Variants in UST observed in about 807,000 individuals in gnomAD.
The protein encoded by UST is chondroitin sulfate 2-O-sulfotransferase.
A neutral mutation model predicts 45.6 loss-of-function variants in UST; 21 were observed. The ratio of observed to expected loss-of-function variants is 0.46; its 90% confidence interval spans 0.33 to 0.66. The LOEUF (loss-of-function observed/expected upper bound fraction) is 0.66, where lower values mean the gene tolerates loss of function less well. UST is among the 30% of genes least tolerant of loss of function. UST has a pLI of 0.02. For missense variants in UST, 463 were observed against 512.4 expected, an observed-to-expected ratio of 0.90 and a Z score of 0.93; for synonymous variants, 215 against 200.6, an observed-to-expected ratio of 1.07 and a Z score of -0.61.
intron 1 of UST, among the ~76,000 whole-genome samples, chr6:148,828,969 A>G (rs1401850294): frequency 1.3e-5 from 2 of 152,192 alleles, no homozygotes; most frequent in African/African-American, 4.8e-5. Context: ...AGCACATGCT[A>G]TTTATTTGGG....
rs559717173 is a variant in UST at position 148,787,637 on chromosome 6, T to C, written c.247+39960T>C. On this transcript the variant is annotated intron_variant, in intron 1 of 7. Transcript: ENST00000367463. ...TCGGGTAGCATGATGCCTCCAGCTTTGTTCTTTTTGCTTAGGATTGCCTTG... is the reference window on the plus strand; with the variant it reads ...TCGGGTAGCATGATGCCTCCAGCTTCGTTCTTTTTGCTTAGGATTGCCTTG... Among the ~76,000 whole-genome samples the C allele has an allele frequency of 7.2e-4, 110 of 152,366 alleles. 1 individual carries two copies. Among genetic ancestry groups the C allele is most frequent in the Admixed American group, 4.2e-3 (65 of 15,308 alleles).
At chr6:148,795,311 A>C (rs750908872) in intron 1 of UST, among the ~76,000 whole-genome samples, 8 of 152,126 alleles carry the variant, frequency 5.3e-5, no homozygotes, top group Non-Finnish European at 8.8e-5. Context: ...CTGGTCTTCG[A>C]TGTGTTCAGG....
chr6:148,782,417 A>C (rs6570900), intron 1 of UST, among the ~76,000 whole-genome samples: 25 of 152,002 alleles, frequency 1.6e-4, no homozygotes, highest in Admixed American at 1.6e-3. Context: ...CTGCTATCTC[A>C]TGATCAAACT....
At chr6:148,807,565 G>A (rs1425989221) in intron 1 of UST, among the ~76,000 whole-genome samples, 2 of 152,136 alleles carry the variant, frequency 1.3e-5, no homozygotes, top group Non-Finnish European at 2.9e-5. Flanking sequence ...TCAGCAAGCA[G>A]GTCAGGAGTA....
intron 1 of UST, among the ~76,000 whole-genome samples, chr6:148,825,617 A>G (rs1201211275): frequency 1.3e-5 from 2 of 152,156 alleles, no homozygotes; most frequent in East Asian, 3.9e-4. Context: ...GCATTATGGG[A>G]CCATCCATCT....
chr6:148,789,482 C>G (rs1776799320), intron 1 of UST, among the ~76,000 whole-genome samples: 1 of 145,132 alleles, frequency 6.9e-6, no homozygotes, highest in Non-Finnish European at 1.5e-5. Context: ...CACACACACA[C>G]ACTTTCAAAA....
At chr6:148,868,083 T>G (rs1270096289) in intron 1 of UST, among the ~76,000 whole-genome samples, 1 of 152,162 alleles carries the variant, frequency 6.6e-6, no homozygotes, top group Non-Finnish European at 1.5e-5. Flanking sequence ...GACACTGTGA[T>G]CTGAGGCCCC....
At chr6:148,972,893 T>TC (rs1478012004) in intron 5 of UST, among the ~76,000 whole-genome samples, 13 of 152,156 alleles carry the variant, frequency 8.5e-5, no homozygotes, top group African/African-American at 3.1e-4. Context: ...TTTTTTTTTT[T>TC]TTTAAGCTTC....
intron 1 of UST, among the ~76,000 whole-genome samples, chr6:148,782,850 AT>A (rs1183184269): frequency 6.6e-6 from 1 of 152,236 alleles, no homozygotes; most frequent in Non-Finnish European, 1.5e-5. Flanking sequence ...ACAACAAAGG[AT>A]TTTGAATATT....
intron 2 of UST, among the ~76,000 whole-genome samples, chr6:148,888,099 GCAT>G (rs1778944115): frequency 6.6e-6 from 1 of 152,128 alleles, no homozygotes; most frequent in Admixed American, 6.5e-5. Flanking sequence ...CATGATAGAG[GCAT>G]CTACTCAGCT....
At chr6:148,956,791 T>C (rs1780519823) in intron 4 of UST, among the ~76,000 whole-genome samples, 1 of 152,200 alleles carries the variant, frequency 6.6e-6, no homozygotes, top group Non-Finnish European at 1.5e-5. Flanking sequence ...ACATGAGAAC[T>C]GGGACTTCTG....
At chr6:148,976,913 G>A (rs962629251) in intron 5 of UST, among the ~76,000 whole-genome samples, 8 of 151,920 alleles carry the variant, frequency 5.3e-5, no homozygotes, top group African/African-American at 1.9e-4. Context: ...TGAGTTTTGT[G>A]TTATACTCAG....
At chr6:148,817,144 T>G (rs953101412) in intron 1 of UST, among the ~76,000 whole-genome samples, 8 of 152,200 alleles carry the variant, frequency 5.3e-5, no homozygotes, top group African/African-American at 1.7e-4. Context: ...TTTCCAGTGT[T>G]TCTGTTTGTT....
Position 148,832,372 on chromosome 6 carries a change from GT to G in UST, c.248-54613del, listed in dbSNP as rs1429795644. 3.3e-5 allele frequency among the ~76,000 whole-genome samples: 5 copies of G among 152,298 alleles called. No individual in the cohort carries two copies. In the South Asian group the frequency reaches 1.0e-3, roughly 32 times the overall value. ...ATCCAAAATGGGATGCCAAGTTTTG[GT>G]GTGCATATTAATTTTTTTTAATCCT... On this transcript the variant is annotated intron_variant, in intron 1 of 7. Coordinates refer to ENST00000367463, the MANE Select transcript of UST (RefSeq NM_005715.3).
intron 2 of UST, among the ~76,000 whole-genome samples, chr6:148,915,829 C>T (rs567485774): frequency 5.1e-4 from 71 of 139,164 alleles, no homozygotes; most frequent in Non-Finnish European, 9.5e-4. Context: ...AATGGAAGCT[C>T]AACTCAGGTT....
In UST at chr6:148,747,485, G is replaced by T. The variant is rs1394916131; in HGVS notation, c.55G>T (p.Ala19Ser). The change falls in exon 1 of 8, where the codon GCC becomes TCC. Residue 19 changes from alanine (A) to serine (S), a missense_variant. By Grantham distance (99) the Ala-to-Ser change is moderately conservative. Transcript: ENST00000367463. Reference protein sequence around the residue: ...GGGADPWPHGAPMGGAPPGLG... With the variant: ...GGGADPWPHGSPMGGAPPGLG... ...CGGCGCGGATCCCTGGCCCCATGGG[G>T]CCCCTATGGGGGGCGCCCCTCCGGG... 2.0e-6 allele frequency: 3 copies of T among 1,496,200 alleles called. No individual in the cohort carries two copies. The Admixed American group carries it at 7.1e-5, about 35-fold the overall frequency. 92.7% of individuals were successfully genotyped at this position (1,496,200 alleles called of 1,614,324 possible).
intron 5 of UST, among the ~76,000 whole-genome samples, chr6:148,991,374 A>T (rs532398533): frequency 3.3e-5 from 5 of 152,062 alleles, no homozygotes; most frequent in Non-Finnish European, 7.4e-5. Flanking sequence ...TATTTTTATT[A>T]TTATACTTTA....
intron 1 of UST, among the ~76,000 whole-genome samples, chr6:148,830,798 A>C (rs1582838833): frequency 6.8e-6 from 1 of 148,096 alleles, no homozygotes. Context: ...TGCCAGAGAC[A>C]GGGGGGAGGA....
chr6:148,927,006 A>G (rs1779825736), intron 2 of UST, among the ~76,000 whole-genome samples: 1 of 152,210 alleles, frequency 6.6e-6, no homozygotes, highest in Admixed American at 6.5e-5. Context: ...GCAATTAACA[A>G]TACAATAATG....
Sources: gnomAD v4.1 joint callset for allele counts (sites outside exome capture counted in the v4.1 genomes callset) on GRCh38, gnomAD v4.1.1 for gene constraint, MANE v1.5 for transcripts, NCBI Gene and HGNC (gene_info 2026-07-23, HGNC 2026-07-21) for gene names.